GRIN2B: variants seen among roughly 807,000 people sequenced by gnomAD.
GRIN2B encodes the protein glutamate receptor ionotropic, NMDA 2B.
Under a neutral mutation model 114.5 loss-of-function variants are expected in GRIN2B, and 5 were observed. The observed-to-expected ratio is 0.04, with a 90% CI of 0.02 to 0.09. GRIN2B has a LOEUF of 0.09. Among genes scored for constraint, GRIN2B ranks in the 10% least tolerant of loss-of-function variants. GRIN2B has a pLI of 1.00. For synonymous variants in GRIN2B, 787 were observed against 745.1 expected, an observed-to-expected ratio of 1.06 and a Z score of -0.92; for missense variants, 1,108 against 1,943.5, an observed-to-expected ratio of 0.57 and a Z score of 8.08.
chr12:13,611,697 G>C, intron 9 of GRIN2B, 28 bp downstream of exon 9: 1 of 1,610,682 alleles, frequency 6.2e-7, no homozygotes, highest in Admixed American at 1.7e-5. Flanking sequence ...AAAAACTGGG[G>C]AAGTGCAGCG....
intron 3 of GRIN2B, among the ~76,000 whole-genome samples, chr12:13,783,926 T>TA (rs952586477): frequency 4.0e-5 from 6 of 151,746 alleles, no homozygotes; most frequent in Admixed American, 2.0e-4. Flanking sequence ...GTATACCTAA[T>TA]AAAAAAACAT....
At chr12:13,648,376 C>A (rs1203795993) in intron 5 of GRIN2B, among the ~76,000 whole-genome samples, 1 of 151,938 alleles carries the variant, frequency 6.6e-6, no homozygotes, top group South Asian at 2.1e-4. Context: ...AATAACTAAA[C>A]AACCTTACAG....
At chr12:13,792,916 T>A (rs1052083722) in intron 3 of GRIN2B, among the ~76,000 whole-genome samples, 1 of 152,196 alleles carries the variant, frequency 6.6e-6, no homozygotes, top group African/African-American at 2.4e-5. Flanking sequence ...CAGGGAATAG[T>A]GATTTTGTGG....
chr12:13,582,904 C>CTTCTT (rs1948871781), intron 10 of GRIN2B, among the ~76,000 whole-genome samples: 1 of 152,152 alleles, frequency 6.6e-6, no homozygotes, highest in Non-Finnish European at 1.5e-5. Flanking sequence ...AAGGCAGTCA[C>CTTCTT]TTCTTTTGTA....
At chr12:13,752,304 TTGAA>T (rs1482883328) in intron 4 of GRIN2B, among the ~76,000 whole-genome samples, 3 of 152,230 alleles carry the variant, frequency 2.0e-5, no homozygotes, top group Non-Finnish European at 4.4e-5. Context: ...CAACACATTG[TTGAA>T]TGAAAGAAAT....
Position 13,696,860 on chromosome 12 carries a change from G to A in GRIN2B, c.1011-21001C>T, listed in dbSNP as rs78860681. Among the ~76,000 whole-genome samples, 4 of 152,112 alleles carry A rather than the reference G, an allele frequency of 2.6e-5. 1 individual carries two copies. Among genetic ancestry groups the A allele is most frequent in the African/African-American group, 9.6e-5 (4 of 41,494 alleles). The stretch of plus-strand genomic sequence containing the variant: ...ACTCCAAAACTTATTGTAGGCAAAG[G>A]GTTCAAAATTCTCCCCCACCAAGCC... On this transcript the variant is annotated intron_variant, in intron 4 of 13. Transcript: ENST00000609686.
At chr12:13,667,964 A>T (rs563260606) in intron 5 of GRIN2B, among the ~76,000 whole-genome samples, 2 of 152,174 alleles carry the variant, frequency 1.3e-5, no homozygotes, top group Non-Finnish European at 2.9e-5. Flanking sequence ...TCATCTCTCT[A>T]CCACTCTTTC....
intron 2 of GRIN2B, among the ~76,000 whole-genome samples, chr12:13,931,430 C>T (rs1048328513): frequency 2.6e-5 from 4 of 152,172 alleles, no homozygotes; most frequent in African/African-American, 9.7e-5. Flanking sequence ...AGTGGTCAGT[C>T]TTTTCTGTCT....
intron 2 of GRIN2B, among the ~76,000 whole-genome samples, chr12:13,940,628 TG>T (rs1867227060): frequency 6.6e-6 from 1 of 151,746 alleles, no homozygotes; most frequent in East Asian, 1.9e-4. Context: ...CTCAACAGAG[TG>T]TGAAGCAAGC....
chr12:13,697,380 T>A (rs986968757), intron 4 of GRIN2B, among the ~76,000 whole-genome samples: 1 of 152,152 alleles, frequency 6.6e-6, no homozygotes, highest in Non-Finnish European at 1.5e-5. Context: ...GCAACTAACA[T>A]CTAGCTGAGT....
chr12:13,978,876 T>C (rs1340136582), intron 2 of GRIN2B, among the ~76,000 whole-genome samples: 2 of 152,242 alleles, frequency 1.3e-5, no homozygotes, highest in South Asian at 4.1e-4. Context: ...CCATTTCTCC[T>C]GCTATTTCTC....
At chr12:13,760,496 CTAGTA>C (rs1199814624) in intron 3 of GRIN2B, among the ~76,000 whole-genome samples, 2 of 152,156 alleles carry the variant, frequency 1.3e-5, no homozygotes, top group Non-Finnish European at 2.9e-5. Flanking sequence ...TGTTAGTACA[CTAGTA>C]TAGTTTCAGA....
intron 10 of GRIN2B, among the ~76,000 whole-genome samples, chr12:13,597,445 C>T (rs1949089011): frequency 2.0e-5 from 3 of 152,220 alleles, no homozygotes. Flanking sequence ...CTCCTTCCAC[C>T]AAGTCTCAGA....
intron 5 of GRIN2B, among the ~76,000 whole-genome samples, chr12:13,620,947 T>C (rs1381041864): frequency 1.5e-5 from 1 of 65,668 alleles, no homozygotes; most frequent in Non-Finnish European, 3.8e-5. Flanking sequence ...AAGGTGAAAC[T>C]TTTTTGAAAA....
intron 3 of GRIN2B, among the ~76,000 whole-genome samples, chr12:13,836,083 C>A (rs1304137377): frequency 6.6e-6 from 1 of 152,166 alleles, no homozygotes; most frequent in Non-Finnish European, 1.5e-5. Flanking sequence ...CTGATCTGGG[C>A]AGGTTGGGGA....
chr12:13,661,231 T>G (rs1949919651), intron 5 of GRIN2B, among the ~76,000 whole-genome samples: 1 of 152,176 alleles, frequency 6.6e-6, no homozygotes, highest in East Asian at 1.9e-4. Context: ...CGGGTGTTCC[T>G]TCAGTTAGGA....
Position 13,564,191 on chromosome 12 carries a change from C to A in GRIN2B, c.3047G>T (p.Arg1016Met). Residue 1016 changes from arginine (R) to methionine (M), a missense_variant, in exon 14 of 14, where the codon AGG (arginine) becomes ATG (methionine). By Grantham distance (91) the Arg-to-Met change is moderately conservative (BLOSUM62 -1). This residue lies in a region of GRIN2B where 140 missense variants were observed against 187.5 expected (regional missense o/e 0.75). Transcript: ENST00000609686. This position sits in a 1 kb window ranked among gnomAD's most constrained non-coding sequence, Gnocchi z 4.8. ...CDNPPFTTQS[R>M]SISKKPLDIG... The stretch of plus-strand genomic sequence containing the variant: ...GTCCAGGGGCTTCTTGCTGATGGAC[C>A]TGGACTGGGTGGTGAAGGGTGGGTT... 3 of 1,614,074 alleles carry A rather than the reference C, an allele frequency of 1.9e-6. No homozygotes were observed. Among genetic ancestry groups the A allele is most frequent in the Non-Finnish European group, 2.5e-6 (3 of 1,180,014 alleles).
At chr12:13,781,660 A>G (rs1383908104) in intron 3 of GRIN2B, among the ~76,000 whole-genome samples, 1 of 152,210 alleles carries the variant, frequency 6.6e-6, no homozygotes, top group Non-Finnish European at 1.5e-5. Context: ...ACATGAAAAA[A>G]TTGTTAAAAG....
chr12:13,637,516 A>G (rs1010899882), intron 5 of GRIN2B, among the ~76,000 whole-genome samples: 1 of 152,162 alleles, frequency 6.6e-6, no homozygotes, highest in African/African-American at 2.4e-5. Flanking sequence ...TCACCAGTAA[A>G]GGTTTTGGCA....
Sources: gnomAD v4.1 joint callset for allele counts (sites outside exome capture counted in the v4.1 genomes callset) on GRCh38, gnomAD v4.1.1 for gene constraint, gnomAD v4.1.1 regional missense constraint, Gnocchi (gnomAD v3.1) non-coding constraint, MANE v1.5 for transcripts, NCBI Gene and HGNC (gene_info 2026-07-23, HGNC 2026-07-21) for gene names.